The following CYP4F3 variants were observed in gnomAD, a reference collection of about 807,000 sequenced individuals.
CYP4F3 encodes the protein cytochrome P450 family 4 subfamily F member 3.
Under a neutral mutation model 54.8 loss-of-function variants are expected in CYP4F3, and 50 were observed. That is an observed-to-expected ratio of 0.91 (90% CI 0.73 to 1.16). CYP4F3 has a LOEUF of 1.16. Among genes scored for constraint, CYP4F3 ranks in the 50% most tolerant of loss-of-function variants. The pLI, the probability that CYP4F3 is intolerant of heterozygous loss-of-function variation, is 0.00. For synonymous variants in CYP4F3, 244 were observed against 262.6 expected (o/e 0.93, Z 0.69); for missense variants, 715 against 676.2 (o/e 1.06, Z -0.64).
At chr19:15,649,435 G>A (rs1460119507) in intron 6 of CYP4F3, among the ~76,000 whole-genome samples, 154 bp downstream of exon 6, 1 of 152,136 alleles carries the variant, frequency 6.6e-6, no homozygotes, top group Non-Finnish European at 1.5e-5. Context: ...TTATCTTGAG[G>A]TTTCCAGGGA....
At chr19:15,655,056 A>G (rs892722741) in intron 9 of CYP4F3, among the ~76,000 whole-genome samples, 2 of 152,214 alleles carry the variant, frequency 1.3e-5, no homozygotes, top group African/African-American at 2.4e-5. Flanking sequence ...CTTTTTGATA[A>G]AAGCCATTTT....
In CYP4F3 at chr19:15,642,950, A is replaced by T. The variant is rs550550406; in HGVS notation, c.198+1337A>T. Among the ~76,000 whole-genome samples the T allele has an allele frequency of 1.3e-3, 192 of 151,920 alleles. 1 individual carries two copies. The highest frequency in any genetic ancestry group is 2.0e-3 in the Non-Finnish European group (134 of 67,940). ...ATACATACATAAAGTAGTAGATAAG[A>T]TGGATACATTAGGTGGATAGATAGG... On this transcript the variant is annotated intron_variant, in intron 2 of 12. Coordinates refer to ENST00000221307, the MANE Select transcript of CYP4F3 (RefSeq NM_000896.3).
At chr19:15,649,408 A>C in intron 6 of CYP4F3, 127 bp downstream of exon 6, 1 of 1,460,068 alleles carries the variant, frequency 6.8e-7, no homozygotes, top group Non-Finnish European at 9.3e-7. Flanking sequence ...CTGATCGTTG[A>C]AGGACTGGTA....
chr19:15,641,672 A>G, intron 2 of CYP4F3, 59 bp downstream of exon 2: 4 of 1,562,854 alleles, frequency 2.6e-6, no homozygotes, highest in Non-Finnish European at 3.5e-6. Context: ...CCTGAGGGGT[A>G]AGAATGAGGC....
chr19:15,645,612 G>C lies in CYP4F3; in HGVS notation c.199-107G>C. The stretch of plus-strand genomic sequence containing the variant: ...GGGCTCAGCACTGAGAGGGAGATGA[G>C]ATGCTGCTTGAAATTCTCAGGGAGA... On this transcript the variant is annotated intron_variant, in intron 2 of 12. Coordinates refer to ENST00000221307, the MANE Select transcript of CYP4F3 (RefSeq NM_000896.3). 2.1e-6 allele frequency: 3 copies of C among 1,434,796 alleles called. No individual in the cohort carries two copies. The South Asian group carries it at 4.1e-5, about 19-fold the overall frequency. The allele number at this position is 1,434,796 out of a possible 1,614,324, so 88.9% of individuals were successfully genotyped here.
intron 7 of CYP4F3, among the ~76,000 whole-genome samples, chr19:15,650,674 T>G (rs918765775): frequency 1.8e-5 from 1 of 54,208 alleles, no homozygotes. Context: ...CTTTCTTTCT[T>G]TCTTTCTTTC....
At position 15,660,933 on chromosome 19, in the gene CYP4F3, T is replaced by C. The variant is rs1014430591; in HGVS notation, c.*1548T>C. On this transcript the variant is annotated 3_prime_UTR_variant, in exon 13 of 13. Coordinates refer to ENST00000221307, the MANE Select transcript of CYP4F3 (RefSeq NM_000896.3). ...GGTTTCGCCATGTTGCACTGGCTGG[T>C]GTTGAACTCCTAACCTCAGGTGATC... 6.6e-6 allele frequency: 1 copy of C among 151,976 alleles called. No individual in the cohort carries two copies. The highest frequency in any genetic ancestry group is 1.5e-5 in the Non-Finnish European group (1 of 67,954). 9.4% of individuals were successfully genotyped at this position (151,976 alleles called of 1,614,324 possible). A position where few individuals can be genotyped will look rare whatever the true frequency, so the allele number is the denominator to read the frequency against.
intron 3 of CYP4F3, among the ~76,000 whole-genome samples, chr19:15,646,536 C>A (rs1972630273): frequency 1.3e-5 from 2 of 152,136 alleles, no homozygotes; most frequent in African/African-American, 4.8e-5. Context: ...CTTTTAAGGT[C>A]ATGTTAGACC....
rs748123808 is a variant in CYP4F3 at position 15,652,894 on chromosome 19, C to A, written c.1057C>A (p.Arg353Ser). 1.2e-6 allele frequency: 2 copies of A among 1,613,746 alleles called. No individual in the cohort carries two copies. The highest frequency in any genetic ancestry group is 2.7e-5 in the African/African-American group (2 of 74,894). The change falls in exon 9 of 13, where the codon CGC becomes AGC. Residue 353 changes from arginine (R) to serine (S), a missense_variant. Transcript: ENST00000221307. The stretch of plus-strand genomic sequence containing the variant: ...TGCAAAGCACCCGGAATACCAGGAG[C>A]GCTGTCGGCAGGAGGTGCAAGAGCT... Reference protein sequence around the residue: ...HLAKHPEYQERCRQEVQELLK... With the variant: ...HLAKHPEYQESCRQEVQELLK...
chr19:15,644,589 C>G (rs1972570001), intron 2 of CYP4F3, among the ~76,000 whole-genome samples: 1 of 115,436 alleles, frequency 8.7e-6, no homozygotes, highest in South Asian at 2.5e-4. Context: ...AAGGTTAGAA[C>G]AATGAGGACT....
At chr19:15,651,148 A>T (rs1188669445) in intron 7 of CYP4F3, among the ~76,000 whole-genome samples, 1 of 149,788 alleles carries the variant, frequency 6.7e-6, no homozygotes, top group Non-Finnish European at 1.5e-5. Flanking sequence ...TACTGGGATT[A>T]CAGGCGTGAG....
chr19:15,658,801 A>C lies in CYP4F3; in HGVS notation c.1389A>C (p.Ala463=). The C allele has an allele frequency of 6.2e-7, 1 of 1,614,076 alleles. No individual in the cohort carries two copies. The highest frequency in any genetic ancestry group is 8.5e-7 in the Non-Finnish European group (1 of 1,179,996). ...RSPLAFIPFS[A]GPRNCIGQAF... is the part of the protein sequence containing the mutation. ...CTCTGGCTTTTATTCCCTTCTCAGC[A>C]GGGCCCAGGTAAGAGCGGCCTGTGT... Residue 463 remains alanine (A), a synonymous_variant, in exon 12 of 13, where the codon GCA becomes GCC. Coordinates refer to ENST00000221307, the MANE Select transcript of CYP4F3 (RefSeq NM_000896.3).
Position 15,645,805 on chromosome 19 carries a change from G to A in CYP4F3, c.285G>A (p.Trp95Ter). 1 of 1,614,100 alleles carries A rather than the reference G, an allele frequency of 6.2e-7. No individual in the cohort carries two copies. Among genetic ancestry groups the A allele is most frequent in the Non-Finnish European group, 8.5e-7 (1 of 1,179,958 alleles). The part of the protein sequence containing the change: ...GDMCCWWVGP[W>*]HAIVRIFHPT... ...TGTGCTGCTGGTGGGTGGGGCCCTG[G>A]CACGCAATCGTCCGCATCTTCCACC... Residue 95 changes from tryptophan (W) to a stop codon, truncating the protein, a stop_gained, in exon 3 of 13, where the codon TGG (tryptophan) becomes TGA (stop). Coordinates refer to ENST00000221307, the MANE Select transcript of CYP4F3 (RefSeq NM_000896.3). LOFTEE classifies it high-confidence loss of function.
chr19:15,654,851 T>G (rs1395340630), intron 9 of CYP4F3, among the ~76,000 whole-genome samples: 1 of 152,244 alleles, frequency 6.6e-6, no homozygotes, highest in Non-Finnish European at 1.5e-5. Flanking sequence ...ATATTTATTT[T>G]CTTTCTTTGG....
chr19:15,647,862 T>A (rs1475699609), intron 5 of CYP4F3, among the ~76,000 whole-genome samples: 1 of 152,162 alleles, frequency 6.6e-6, no homozygotes, highest in Non-Finnish European at 1.5e-5. Flanking sequence ...TGTTCCTCCA[T>A]CTGATTCTCT....
At chr19:15,656,639 C>T (rs889556745) in intron 9 of CYP4F3, among the ~76,000 whole-genome samples, 1 of 151,888 alleles carries the variant, frequency 6.6e-6, no homozygotes, top group Non-Finnish European at 1.5e-5. Context: ...CTGTATCTAT[C>T]ATCTATGTAA....
Position 15,641,403 on chromosome 19 carries a change from T to TC in CYP4F3, c.-1-11dup, listed in dbSNP as rs1260846061. 1.2e-6 allele frequency: 2 copies of TC among 1,613,674 alleles called. No homozygotes were observed. Among genetic ancestry groups the TC allele is most frequent in the African/African-American group, 1.3e-5 (1 of 74,942 alleles). ...CCTCAGGACCTCACTCACCACCCCA[T>TC]CTGCCCTGCAGGATGCCACAGCTGA... On this transcript the variant is annotated splice_polypyrimidine_tract_variant and intron_variant, in intron 1 of 12. Coordinates refer to ENST00000221307, the MANE Select transcript of CYP4F3 (RefSeq NM_000896.3).
chr19:15,658,976 C>A (rs28371542), intron 12 of CYP4F3, among the ~76,000 whole-genome samples, 167 bp downstream of exon 12: 1 of 152,188 alleles, frequency 6.6e-6, no homozygotes, highest in Non-Finnish European at 1.5e-5. Flanking sequence ...TTGGGTTGGT[C>A]CTAGAAGGAT....
intron 2 of CYP4F3, among the ~76,000 whole-genome samples, chr19:15,643,193 C>T (rs1017159972): frequency 2.0e-5 from 3 of 147,946 alleles, no homozygotes; most frequent in African/African-American, 7.4e-5. Context: ...AGATAATAGG[C>T]TAGATGGATG....
Sources: gnomAD v4.1 joint callset for allele counts (sites outside exome capture counted in the v4.1 genomes callset) on GRCh38, gnomAD v4.1.1 for gene constraint, MANE v1.5 for transcripts, NCBI Gene and HGNC (gene_info 2026-07-23, HGNC 2026-07-21) for gene names.